TNR: variants seen among roughly 807,000 people sequenced by gnomAD.
The protein encoded by TNR is tenascin-R.
In TNR, 45 loss-of-function variants were observed where a neutral mutation model predicts 150.4. That is an observed-to-expected ratio of 0.30 (90% CI 0.24 to 0.38). The LOEUF is 0.38. Among genes scored for constraint, TNR ranks in the 10% least tolerant of loss-of-function variants. The pLI is 1.00. For synonymous variants in TNR, 687 were observed against 678.4 expected, an observed-to-expected ratio of 1.01 and a Z score of -0.20; for missense variants, 1,544 against 1,759.1, an observed-to-expected ratio of 0.88 and a Z score of 2.19.
At chr1:175,502,904 C>G (rs1236825689) in intron 2 of TNR, among the ~76,000 whole-genome samples, 3 of 151,422 alleles carry the variant, frequency 2.0e-5, no homozygotes, top group Non-Finnish European at 2.9e-5. Flanking sequence ...GATGGACCCC[C>G]TAGACGAACC....
Position 175,447,120 on chromosome 1 carries a change from C to T in TNR, c.-63-40343G>A, listed in dbSNP as rs185836041. On this transcript the variant is annotated intron_variant, in intron 2 of 22. Transcript: ENST00000367674. ...CTCGGAACCATCCCCACACTGCCCCCGGGACACAAGCCCAGCACCCTCATC... is the reference window on the plus strand; with the variant it reads ...CTCGGAACCATCCCCACACTGCCCCTGGGACACAAGCCCAGCACCCTCATC... Among the ~76,000 whole-genome samples the T allele has an allele frequency of 1.2e-3, 183 of 151,978 alleles. 8 individuals are homozygous for T. The East Asian group carries it at 0.031, about 26-fold the overall frequency.
chr1:175,723,276 C>T (rs900706677), intron 1 of TNR, among the ~76,000 whole-genome samples: 1 of 152,184 alleles, frequency 6.6e-6, no homozygotes, highest in Non-Finnish European at 1.5e-5. Context: ...ATTCCTCATA[C>T]ACAGTGGATG....
At chr1:175,579,696 A>G (rs1662270793) in intron 1 of TNR, among the ~76,000 whole-genome samples, 1 of 151,336 alleles carries the variant, frequency 6.6e-6, no homozygotes, top group Non-Finnish European at 1.5e-5. Context: ...AAAATGATAG[A>G]GAAGAAATGG....
intron 1 of TNR, among the ~76,000 whole-genome samples, chr1:175,620,548 C>A (rs1663937154): frequency 6.6e-6 from 1 of 152,208 alleles, no homozygotes; most frequent in South Asian, 2.1e-4. Context: ...TGCTAACAAG[C>A]AGAACACAGC....
At chr1:175,479,448 C>G (rs1245877993) in intron 2 of TNR, among the ~76,000 whole-genome samples, 1 of 152,166 alleles carries the variant, frequency 6.6e-6, no homozygotes, top group Non-Finnish European at 1.5e-5. Context: ...CATGTGTGGA[C>G]TCTCCAAGTG....
At chr1:175,520,505 A>G (rs1174488219) in intron 2 of TNR, among the ~76,000 whole-genome samples, 2 of 152,196 alleles carry the variant, frequency 1.3e-5, no homozygotes, top group East Asian at 3.9e-4. Flanking sequence ...CTTCACAAAT[A>G]GCCCTGCTCT....
chr1:175,522,040 C>A (rs1349407476), intron 2 of TNR, among the ~76,000 whole-genome samples: 1 of 152,202 alleles, frequency 6.6e-6, no homozygotes. Flanking sequence ...CAAAGACTTG[C>A]TTAACTATGC....
chr1:175,527,247 C>T lies in TNR; in HGVS notation c.-64+1022G>A, dbSNP rs138851062. Among the ~76,000 whole-genome samples the T allele has an allele frequency of 1.7e-3, 253 of 152,234 alleles. 1 individual carries two copies. Among genetic ancestry groups the T allele is most frequent in the African/African-American group, 5.6e-3 (231 of 41,544 alleles). ...TTAAGTGTGAATGGTTGATAGCCAG[C>T]GTGATGTGATGATGTCTCTTGTGAA... On this transcript the variant is annotated intron_variant, in intron 2 of 22. Coordinates refer to ENST00000367674, the MANE Select transcript of TNR (RefSeq NM_003285.3).
Position 175,588,342 on chromosome 1 carries a change from A to G in TNR, c.-164-59973T>C, listed in dbSNP as rs117594819. 1.7e-3 allele frequency among the ~76,000 whole-genome samples: 259 copies of G among 152,332 alleles called. 4 individuals are homozygous for G. In the East Asian group the frequency reaches 0.041, roughly 24 times the overall value. The stretch of plus-strand genomic sequence containing the variant: ...TGATATGAAAGGGTAAAAAAATTCA[A>G]GCCTTCATTCTGCATGTGTCTTTAC... On this transcript the variant is annotated intron_variant, in intron 1 of 22. Transcript: ENST00000367674.
intron 1 of TNR, among the ~76,000 whole-genome samples, chr1:175,686,637 C>A (rs1362728494): frequency 1.3e-5 from 2 of 152,144 alleles, no homozygotes; most frequent in African/African-American, 4.8e-5. Flanking sequence ...TAACCCTTGT[C>A]CCCTCCATCC....
At chr1:175,438,831 T>C (rs961140612) in intron 2 of TNR, among the ~76,000 whole-genome samples, 2 of 152,162 alleles carry the variant, frequency 1.3e-5, no homozygotes, top group East Asian at 1.9e-4. Context: ...TGTGAAGGAC[T>C]TCTTCAAGGA....
intron 21 of TNR, among the ~76,000 whole-genome samples, chr1:175,324,781 T>C (rs1649274300): frequency 6.6e-6 from 1 of 152,146 alleles, no homozygotes; most frequent in Admixed American, 6.5e-5. Flanking sequence ...CCCCATCTCA[T>C]TGCCCACCCC....
At chr1:175,700,240 G>A (rs186688897) in intron 1 of TNR, among the ~76,000 whole-genome samples, 2 of 152,070 alleles carry the variant, frequency 1.3e-5, no homozygotes, top group East Asian at 3.9e-4. Context: ...TGGCCTCCCT[G>A]ACACATCCAG....
intron 1 of TNR, among the ~76,000 whole-genome samples, chr1:175,611,916 T>C (rs973640556): frequency 6.6e-6 from 1 of 152,196 alleles, no homozygotes; most frequent in Non-Finnish European, 1.5e-5. Context: ...TGTAAATCAA[T>C]GGGTGGAAAA....
rs146434172 is a variant in TNR at position 175,398,314 on chromosome 1, G to C, written c.977-1507C>G. 1.2e-4 allele frequency among the ~76,000 whole-genome samples: 19 copies of C among 152,248 alleles called. No individual in the cohort carries two copies. The East Asian group carries it at 3.7e-3, about 29-fold the overall frequency. On this transcript the variant is annotated intron_variant, in intron 4 of 22. Coordinates refer to ENST00000367674, the MANE Select transcript of TNR (RefSeq NM_003285.3). ...CAGTCTAGAAAGCAGAGCTTCTTGA[G>C]GATGGCAAATGTTGACCAAAACAAA...
intron 1 of TNR, among the ~76,000 whole-genome samples, chr1:175,592,895 CA>C (rs1662855953): frequency 6.6e-6 from 1 of 152,180 alleles, no homozygotes; most frequent in South Asian, 2.1e-4. Flanking sequence ...AATGGCCAAG[CA>C]AGAAATTCTT....
chr1:175,359,179 T>G (rs1042214638), intron 15 of TNR, among the ~76,000 whole-genome samples: 9 of 128,616 alleles, frequency 7.0e-5, no homozygotes, highest in Non-Finnish European at 1.3e-4. Context: ...GGAGTCTTGC[T>G]GTGACTCCCA....
intron 1 of TNR, among the ~76,000 whole-genome samples, chr1:175,659,393 G>C (rs1157173991): frequency 6.6e-6 from 1 of 152,204 alleles, no homozygotes; most frequent in African/African-American, 2.4e-5. Flanking sequence ...TTTAAAGACT[G>C]TGTGTGCCAG....
At chr1:175,373,436 T>A (rs908434078) in intron 9 of TNR, among the ~76,000 whole-genome samples, 3 of 152,124 alleles carry the variant, frequency 2.0e-5, no homozygotes, top group Non-Finnish European at 4.4e-5. Flanking sequence ...CCCACACTTA[T>A]CTCTTTGGAT....
Sources: allele counts gnomAD v4.1 joint callset (sites outside exome capture counted in the v4.1 genomes callset), GRCh38; gene constraint gnomAD v4.1.1; transcripts MANE v1.5; gene names NCBI Gene and HGNC (gene_info 2026-07-23, HGNC 2026-07-21).